Variants in STXBP5L observed in about 807,000 individuals in gnomAD.
STXBP5L encodes the protein syntaxin-binding protein 5-like.
In STXBP5L, 65 loss-of-function variants were observed where a neutral mutation model predicts 144.5. That is an observed-to-expected ratio of 0.45 (90% CI 0.37 to 0.55). The LOEUF (loss-of-function observed/expected upper bound fraction) is 0.55. STXBP5L is among the 20% of genes least tolerant of loss of function. The pLI, the probability that STXBP5L is intolerant of heterozygous loss-of-function variation, is 0.00. For missense variants in STXBP5L, 1,298 were observed against 1,405.5 expected (o/e 0.92, Z 1.22); for synonymous variants, 505 against 469.6 (o/e 1.08, Z -0.97).
chr3:121,413,404 A>G, intron 24 of STXBP5L, 81 bp downstream of exon 24: 1 of 1,282,338 alleles, frequency 7.8e-7, no homozygotes, highest in African/African-American at 1.5e-5. Flanking sequence ...CAAAAATATT[A>G]TTAGGTCAGA....
Position 120,974,751 on chromosome 3 carries a change from T to C in STXBP5L, c.287+19714T>C, listed in dbSNP as rs573243749. Among the ~76,000 whole-genome samples, 4 of 152,338 alleles carry C rather than the reference T, an allele frequency of 2.6e-5. No homozygotes were observed. The South Asian group carries it at 8.3e-4, about 32-fold the overall frequency. On this transcript the variant is annotated intron_variant, in intron 3 of 26. Transcript: ENST00000471454. ...GTAAGGAAGAGATCCAGTTTCAGCT[T>C]TCTACATATGGCTAGCCAGTTTTCC...
chr3:121,007,237 C>G (rs1041457245), intron 3 of STXBP5L, among the ~76,000 whole-genome samples: 1 of 151,844 alleles, frequency 6.6e-6, no homozygotes, highest in South Asian at 2.1e-4. Flanking sequence ...GTGATAAGCC[C>G]CCTTGATTAT....
intron 19 of STXBP5L, among the ~76,000 whole-genome samples, chr3:121,282,058 C>T (rs1307769736): frequency 2.7e-5 from 4 of 150,632 alleles, no homozygotes; most frequent in South Asian, 2.1e-4. Flanking sequence ...AAATTACTAC[C>T]GCATTCTCAT....
intron 20 of STXBP5L, among the ~76,000 whole-genome samples, chr3:121,353,108 A>C (rs1301715920): frequency 6.6e-6 from 1 of 152,140 alleles, no homozygotes; most frequent in Non-Finnish European, 1.5e-5. Flanking sequence ...GGATTTTTGC[A>C]TCCATGTTCG....
intron 11 of STXBP5L, among the ~76,000 whole-genome samples, chr3:121,232,836 T>C (rs1195751418): frequency 6.6e-6 from 1 of 152,160 alleles, no homozygotes; most frequent in Non-Finnish European, 1.5e-5. Context: ...CATGATCTGA[T>C]TGGATCTTGC....
chr3:121,309,966 GAAA>G (rs1331763984), intron 19 of STXBP5L, among the ~76,000 whole-genome samples: 1 of 145,298 alleles, frequency 6.9e-6, no homozygotes, highest in Non-Finnish European at 1.6e-5. Context: ...TGTGGTAATT[GAAA>G]AAAAGATAAA....
intron 19 of STXBP5L, among the ~76,000 whole-genome samples, chr3:121,315,203 C>G (rs2043739969): frequency 6.6e-6 from 1 of 152,126 alleles, no homozygotes; most frequent in East Asian, 1.9e-4. Flanking sequence ...TACTGCAGCA[C>G]TATTCACAAT....
chr3:121,185,489 G>C (rs535280719), intron 9 of STXBP5L, among the ~76,000 whole-genome samples: 3 of 152,310 alleles, frequency 2.0e-5, no homozygotes, highest in African/African-American at 7.2e-5. Flanking sequence ...GTGTAAGTAA[G>C]GGATCCAGTT....
chr3:120,977,092 G>T (rs1559939487), intron 3 of STXBP5L, among the ~76,000 whole-genome samples: 1 of 152,116 alleles, frequency 6.6e-6, no homozygotes, highest in African/African-American at 2.4e-5. Context: ...TCAATTCCTG[G>T]TTATCCTTGT....
At chr3:121,149,511 A>G (rs940876310) in intron 7 of STXBP5L, among the ~76,000 whole-genome samples, 2 of 152,072 alleles carry the variant, frequency 1.3e-5, no homozygotes, top group Non-Finnish European at 2.9e-5. Context: ...ACAATTAGAG[A>G]CATAAAAATT....
At chr3:120,998,065 C>T (rs1302647743) in intron 3 of STXBP5L, among the ~76,000 whole-genome samples, 2 of 152,122 alleles carry the variant, frequency 1.3e-5, no homozygotes, top group Admixed American at 6.6e-5. Context: ...ACAAACAAAG[C>T]ATTGAAGGAA....
chr3:121,100,819 G>C (rs2043382680), intron 5 of STXBP5L, among the ~76,000 whole-genome samples: 1 of 151,272 alleles, frequency 6.6e-6, no homozygotes, highest in African/African-American at 2.4e-5. Flanking sequence ...TTGGTTCTTT[G>C]AAAGAATAAA....
At chr3:120,954,311 CA>C (rs1937781271) in intron 2 of STXBP5L, among the ~76,000 whole-genome samples, 1 of 151,912 alleles carries the variant, frequency 6.6e-6, no homozygotes, top group Admixed American at 6.6e-5. Context: ...TTGTGTAATC[CA>C]AATTGCTATG....
chr3:121,407,334 G>A lies in STXBP5L; in HGVS notation c.2679G>A (p.Arg893=), dbSNP rs758304204. The A allele has an allele frequency of 6.2e-7, 1 of 1,612,698 alleles. No individual in the cohort carries two copies. The highest frequency in any genetic ancestry group is 8.5e-7 in the Non-Finnish European group (1 of 1,179,230). Residue 893 remains arginine, a synonymous_variant, in exon 23 of 27, where the codon AGG becomes AGA. Coordinates refer to ENST00000471454, the MANE Select transcript of STXBP5L (RefSeq NM_001308330.2). ...GLMQPPYEVW[R]DPNNIDENEK... ...TGCAACCGCCATATGAAGTTTGGAG[G>A]GATCCAAACAACATAGATGAAAATG...
chr3:121,007,419 C>G (rs922721149), intron 3 of STXBP5L, among the ~76,000 whole-genome samples: 1 of 151,588 alleles, frequency 6.6e-6, no homozygotes, highest in Non-Finnish European at 1.5e-5. Context: ...TTATTTGCAT[C>G]TATTCTATAT....
intron 3 of STXBP5L, 27 bp downstream of exon 3, chr3:120,955,064 T>C: frequency 6.7e-7 from 1 of 1,490,172 alleles, no homozygotes; most frequent in Non-Finnish European, 9.4e-7. Context: ...GTTCATTATC[T>C]GCCACAGTAA....
intron 20 of STXBP5L, 61 bp from the exon 21 acceptor site, chr3:121,378,655 G>A (rs2046251707): frequency 6.6e-7 from 1 of 1,521,138 alleles, no homozygotes; most frequent in East Asian, 2.3e-5. Context: ...CTACACGCTT[G>A]TATTCCTTTG....
At chr3:121,171,703 C>G (rs1484692316) in intron 9 of STXBP5L, among the ~76,000 whole-genome samples, 2 of 152,108 alleles carry the variant, frequency 1.3e-5, no homozygotes, top group East Asian at 1.9e-4. Context: ...TAGGAGAGAA[C>G]ACAAACAAAT....
At chr3:121,419,009 C>G in intron 26 of STXBP5L, 47 bp from the exon 27 acceptor site, 2 of 1,590,568 alleles carry the variant, frequency 1.3e-6, no homozygotes, top group Non-Finnish European at 1.7e-6. Flanking sequence ...TTGAATAGCA[C>G]TTTTAAAGTA....
Sources: allele counts gnomAD v4.1 joint callset (sites outside exome capture counted in the v4.1 genomes callset), GRCh38; gene constraint gnomAD v4.1.1; transcripts MANE v1.5; gene names NCBI Gene and HGNC (gene_info 2026-07-23, HGNC 2026-07-21).